PRR16: variants seen among roughly 807,000 people sequenced by gnomAD.
The protein encoded by PRR16 is protein Largen.
PRR16 carries 6 observed loss-of-function variants against 18.2 expected under a neutral mutation model. The observed-to-expected ratio is 0.33, with a 90% CI of 0.18 to 0.65. The LOEUF (loss-of-function observed/expected upper bound fraction) is 0.65. Among genes scored for constraint, PRR16 ranks in the 30% least tolerant of loss-of-function variants. The pLI is 0.74. For synonymous variants in PRR16, 151 were observed against 147.8 expected (o/e 1.02, Z -0.16); for missense variants, 412 against 376.6 (o/e 1.09, Z -0.78).
the PRR16 span, among the ~76,000 whole-genome samples, chr5:120,754,441 G>C: frequency 0.089 from 2,333 of 26,094 alleles, 15 homozygotes; most frequent in Middle Eastern, 0.2. Context: ...ATAGTATATA[G>C]TATATATTAT....
At chr5:120,545,387 TCAGTA>T (rs538247779) in intron 1 of PRR16, among the ~76,000 whole-genome samples, 17 of 152,230 alleles carry the variant, frequency 1.1e-4, no homozygotes, top group Middle Eastern at 3.4e-3. Flanking sequence ...GTCAAGTTCA[TCAGTA>T]AAGTTTCAGC....
chr5:120,631,343 C>A (rs1485398184), intron 1 of PRR16, among the ~76,000 whole-genome samples: 2 of 152,092 alleles, frequency 1.3e-5, no homozygotes, highest in African/African-American at 2.4e-5. Context: ...ATCAACAGAC[C>A]TTTTGAAGGA....
At chr5:120,735,587 C>G in the PRR16 span, among the ~76,000 whole-genome samples, 1 of 152,130 alleles carries the variant, frequency 6.6e-6, no homozygotes, top group African/African-American at 2.4e-5. Context: ...AGCATCTTTT[C>G]ACATGCTTGT....
At chr5:120,637,317 G>GAAAAAA (rs372136712) in intron 1 of PRR16, among the ~76,000 whole-genome samples, 3 of 62,634 alleles carry the variant, frequency 4.8e-5, no homozygotes, top group Non-Finnish European at 8.1e-5. Flanking sequence ...CCATTATACG[G>GAAAAAA]AAAAAAAAAA....
rs190155782 is a variant in PRR16, at chr5:120,582,187, G to C, written c.160-103767G>C. 1.7e-3 allele frequency among the ~76,000 whole-genome samples: 254 copies of C among 152,228 alleles called. 3 individuals carry two copies. The highest frequency in any genetic ancestry group is 5.8e-3 in the African/African-American group (242 of 41,538). ...CTGGAGCTGGAGATCATTATCCTAA[G>C]AGAACTAACTCAGAAACAGAAAATG... On this transcript the variant is annotated intron_variant, in intron 1 of 1. Transcript: ENST00000407149.
At chr5:120,714,102 GC>G in the PRR16 span, among the ~76,000 whole-genome samples, 6 of 151,622 alleles carry the variant, frequency 4.0e-5, no homozygotes. Flanking sequence ...TCTTCTTTGT[GC>G]TTGATATATT....
chr5:120,705,204 TTATG>T, the PRR16 span, among the ~76,000 whole-genome samples: 4 of 152,136 alleles, frequency 2.6e-5, no homozygotes, highest in Non-Finnish European at 5.9e-5. Flanking sequence ...TCTAAAGTGA[TTATG>T]TATATATAAT....
chr5:120,584,775 ATAG>A (rs920276696), intron 1 of PRR16, among the ~76,000 whole-genome samples: 76 of 152,308 alleles, frequency 5.0e-4, no homozygotes, highest in African/African-American at 1.7e-3. Flanking sequence ...TACTTATAAA[ATAG>A]TAGTCGTCTG....
chr5:120,605,956 G>A (rs1219636287), intron 1 of PRR16, among the ~76,000 whole-genome samples: 1 of 152,156 alleles, frequency 6.6e-6, no homozygotes. Flanking sequence ...AAGCACTCCA[G>A]CCAGGCAGTA....
chr5:120,612,984 ACT>A (rs1754383009), intron 1 of PRR16, among the ~76,000 whole-genome samples: 3 of 152,270 alleles, frequency 2.0e-5, no homozygotes, highest in Admixed American at 2.0e-4. Flanking sequence ...TAAAGAAGTC[ACT>A]CTGTGCTATT....
chr5:120,481,351 G>A (rs1159202200), intron 1 of PRR16: 2 of 374,942 alleles, frequency 5.3e-6, no homozygotes, highest in Non-Finnish European at 1.1e-5. Flanking sequence ...GTCTGGTCTT[G>A]AACTCTTGAG....
intron 1 of PRR16, among the ~76,000 whole-genome samples, chr5:120,671,647 T>C (rs1207108206): frequency 1.3e-5 from 2 of 152,314 alleles, no homozygotes; most frequent in African/African-American, 4.8e-5. Context: ...GCTCAGTATC[T>C]GAGATGTAAA....
At chr5:120,766,510 G>GCAAA in the PRR16 span, among the ~76,000 whole-genome samples, 10 of 151,674 alleles carry the variant, frequency 6.6e-5, no homozygotes, top group African/African-American at 2.2e-4. Context: ...TATATACATT[G>GCAAA]CAAACATCTT....
At chr5:120,502,781 G>A (rs1750507078) in intron 1 of PRR16, among the ~76,000 whole-genome samples, 1 of 152,184 alleles carries the variant, frequency 6.6e-6, no homozygotes, top group African/African-American at 2.4e-5. Context: ...ATAAAAATGA[G>A]TAATAGACTG....
the PRR16 span, among the ~76,000 whole-genome samples, chr5:120,754,518 TTA>T: frequency 4.6e-5 from 4 of 86,754 alleles, no homozygotes; most frequent in Admixed American, 6.6e-4. Context: ...ATATTATATA[TTA>T]TATATTATAT....
At chr5:120,741,801 A>T in the PRR16 span, among the ~76,000 whole-genome samples, 155 of 152,060 alleles carry the variant, frequency 1.0e-3, no homozygotes, top group African/African-American at 3.6e-3. Context: ...GGTTTTCTCC[A>T]TGTTGGCCAG....
intron 1 of PRR16, among the ~76,000 whole-genome samples, chr5:120,584,072 G>GATAAATGCCATGA (rs993500765): frequency 4.3e-4 from 66 of 152,246 alleles, no homozygotes; most frequent in Non-Finnish European, 8.7e-4. Flanking sequence ...ATGATAAAAG[G>GATAAATGCCATGA]TAAAAGCAAG....
intron 1 of PRR16, among the ~76,000 whole-genome samples, chr5:120,682,976 G>A (rs2150154965): frequency 6.6e-6 from 1 of 152,250 alleles, no homozygotes; most frequent in South Asian, 2.1e-4. Flanking sequence ...TTAAGGATGT[G>A]TCAGAGTTAA....
chr5:120,622,312 T>A (rs2112823697), intron 1 of PRR16, among the ~76,000 whole-genome samples: 1 of 152,216 alleles, frequency 6.6e-6, no homozygotes, highest in South Asian at 2.1e-4. Flanking sequence ...TTGTTTTCTA[T>A]CTTTAGAAAC....
Sources: gnomAD v4.1 joint callset for allele counts (sites outside exome capture counted in the v4.1 genomes callset) on GRCh38, gnomAD v4.1.1 for gene constraint, MANE v1.5 for transcripts, NCBI Gene and HGNC (gene_info 2026-07-23, HGNC 2026-07-21) for gene names.